Variants in GALNT2 observed in about 807,000 individuals in gnomAD.
GALNT2 encodes the protein UDP-GalNAc:polypeptide N-acetylgalactosaminyltransferase 2.
A neutral mutation model predicts 81.4 loss-of-function variants in GALNT2; 31 were observed. The ratio of observed to expected loss-of-function variants is 0.38; its 90% confidence interval spans 0.29 to 0.51. The LOEUF (loss-of-function observed/expected upper bound fraction) is 0.51. GALNT2 is among the 20% of genes least tolerant of loss of function. GALNT2 has a pLI of 0.87. For synonymous variants in GALNT2, 303 were observed against 287.4 expected (o/e 1.05, Z -0.55); for missense variants, 629 against 765.7 (o/e 0.82, Z 2.11).
chr1:230,097,011 T>G (rs1001755470), intron 1 of GALNT2, among the ~76,000 whole-genome samples: 1 of 152,160 alleles, frequency 6.6e-6, no homozygotes, highest in Non-Finnish European at 1.5e-5. Context: ...TAAGTTACTG[T>G]CCAAAGCTAC....
intron 1 of GALNT2, among the ~76,000 whole-genome samples, chr1:230,104,182 G>C (rs1412127322): frequency 6.6e-6 from 1 of 152,160 alleles, no homozygotes; most frequent in African/African-American, 2.4e-5. Flanking sequence ...TAGGTTCTGG[G>C]GTGGTGGGGG....
At chr1:230,097,315 A>G (rs1029692990) in intron 1 of GALNT2, among the ~76,000 whole-genome samples, 6 of 152,162 alleles carry the variant, frequency 3.9e-5, no homozygotes, top group African/African-American at 9.7e-5. Context: ...GTACATTCAT[A>G]TTATTGTGCA....
chr1:230,122,545 T>A (rs568998198), intron 1 of GALNT2, among the ~76,000 whole-genome samples: 4 of 152,140 alleles, frequency 2.6e-5, no homozygotes, highest in East Asian at 3.9e-4. Flanking sequence ...TTGACAAAAT[T>A]TTCCCCCCAG....
At chr1:230,227,637 A>G (rs921562752) in intron 3 of GALNT2, among the ~76,000 whole-genome samples, 8 of 152,212 alleles carry the variant, frequency 5.3e-5, no homozygotes, top group African/African-American at 1.7e-4. Flanking sequence ...AATGTAATAT[A>G]TCTTCTCAGT....
chr1:230,062,065 A>G (rs1465146132), intron 1 of GALNT2, among the ~76,000 whole-genome samples: 4 of 152,168 alleles, frequency 2.6e-5, no homozygotes, highest in Non-Finnish European at 4.4e-5. Flanking sequence ...TAGTCTTGCC[A>G]ACAGAATGTT....
At chr1:230,081,874 C>CG (rs1176250137) in intron 1 of GALNT2, among the ~76,000 whole-genome samples, 2 of 152,224 alleles carry the variant, frequency 1.3e-5, no homozygotes, top group African/African-American at 4.8e-5. Flanking sequence ...GCTGTTACTA[C>CG]GGAGTAGCTG....
intron 3 of GALNT2, among the ~76,000 whole-genome samples, chr1:230,222,029 C>CTTTTTTTTTTTTTTTTTTTTTT (rs1664562002): frequency 2.8e-5 from 2 of 72,182 alleles, no homozygotes; most frequent in South Asian, 4.0e-4. Context: ...CACTGCTTTT[C>CTTTTTTTTTTTTTTTTTTTTTT]TCTTTTTTTT....
intron 1 of GALNT2, among the ~76,000 whole-genome samples, chr1:230,097,103 C>A (rs190097776): frequency 4.5e-4 from 69 of 152,262 alleles, no homozygotes; most frequent in Non-Finnish European, 9.3e-4. Context: ...ATCATCGGTG[C>A]CCTCATAACA....
chr1:230,109,554 G>T (rs113737337), intron 1 of GALNT2, among the ~76,000 whole-genome samples: 2 of 152,072 alleles, frequency 1.3e-5, no homozygotes, highest in Admixed American at 1.3e-4. Context: ...TTGGCTGGGC[G>T]CAGTGGCTCA....
At chr1:230,133,726 A>T (rs143474109) in intron 1 of GALNT2, among the ~76,000 whole-genome samples, 1 of 152,148 alleles carries the variant, frequency 6.6e-6, no homozygotes, top group Non-Finnish European at 1.5e-5. Context: ...AAGTGCTGGG[A>T]TTACAGGCAT....
At chr1:230,092,188 T>TTTTTTTTTTGTTTC (rs1660111203) in intron 1 of GALNT2, among the ~76,000 whole-genome samples, 1 of 148,786 alleles carries the variant, frequency 6.7e-6, no homozygotes, top group Non-Finnish European at 1.5e-5. Context: ...TTTTTTTTTT[T>TTTTTTTTTTGTTTC]TTTTTTTTGC....
intron 1 of GALNT2, among the ~76,000 whole-genome samples, chr1:230,168,745 A>G (rs1393065614): frequency 2.0e-5 from 3 of 152,222 alleles, no homozygotes; most frequent in Admixed American, 2.0e-4. Context: ...AACATTGTGC[A>G]GAAAGTTCCT....
In GALNT2 at chr1:230,188,609, T is replaced by C. The variant is rs117545875; in HGVS notation, c.220+10298T>C. On this transcript the variant is annotated intron_variant, in intron 2 of 15. Transcript: ENST00000366672. ...TATTCTCAGATTGGAATCACCAATT[T>C]TATTTTCTTTTACATGCTGTAAAAA... is the stretch of plus-strand genomic sequence containing the variant. Among the ~76,000 whole-genome samples the C allele has an allele frequency of 4.4e-4, 67 of 152,374 alleles. 1 individual carries two copies. The East Asian group carries it at 0.011, about 24-fold the overall frequency.
intron 1 of GALNT2, among the ~76,000 whole-genome samples, chr1:230,162,955 T>C (rs975786612): frequency 6.6e-6 from 1 of 152,236 alleles, no homozygotes; most frequent in African/African-American, 2.4e-5. Flanking sequence ...GTCTTCATTC[T>C]GATGGCTCCT....
At chr1:230,064,773 A>G (rs768350833), upstream of GALNT2, among the ~76,000 whole-genome samples, 4 of 152,094 alleles carry the variant, frequency 2.6e-5, no homozygotes, top group Admixed American at 6.5e-5. Flanking sequence ...TGGCCTCCCA[A>G]AGTGCTGGGA....
At chr1:230,079,821 A>G (rs1485916505) in intron 1 of GALNT2, among the ~76,000 whole-genome samples, 1 of 152,220 alleles carries the variant, frequency 6.6e-6, no homozygotes, top group Admixed American at 6.5e-5. Context: ...AATTGGGCTC[A>G]TGGAGGCAGA....
chr1:230,080,070 G>T (rs778148742), intron 1 of GALNT2, among the ~76,000 whole-genome samples: 4 of 152,184 alleles, frequency 2.6e-5, no homozygotes, highest in Non-Finnish European at 4.4e-5. Flanking sequence ...TTGCAGTAGT[G>T]TTTGTACTTA....
chr1:230,155,796 G>A (rs990428360), intron 1 of GALNT2, among the ~76,000 whole-genome samples: 13 of 152,218 alleles, frequency 8.5e-5, no homozygotes, highest in Non-Finnish European at 1.0e-4. Flanking sequence ...GGGCCAGGTC[G>A]TGAGGGCACT....
chr1:230,209,041 TAAAAAA>T (rs112253499), intron 3 of GALNT2, among the ~76,000 whole-genome samples: 1 of 143,854 alleles, frequency 7.0e-6, no homozygotes, highest in Non-Finnish European at 1.5e-5. Context: ...CCCCATTAGT[TAAAAAA>T]AAAAAAGCAT....
Sources: allele counts gnomAD v4.1 joint callset (sites outside exome capture counted in the v4.1 genomes callset), GRCh38; gene constraint gnomAD v4.1.1; transcripts MANE v1.5; gene names NCBI Gene and HGNC (gene_info 2026-07-23, HGNC 2026-07-21).